Variants in DNAH8 observed in about 807,000 individuals in gnomAD.
DNAH8 encodes axonemal beta dynein heavy chain 8.
DNAH8 carries 382 observed loss-of-function variants against 562.1 expected under a neutral mutation model. The observed-to-expected ratio is 0.68, with a 90% CI of 0.63 to 0.74. The LOEUF (loss-of-function observed/expected upper bound fraction) is 0.74, where lower values mean the gene tolerates loss of function less well. Ranked by LOEUF, DNAH8 falls within the 30% of genes least tolerant of loss-of-function variation. The probability of loss-of-function intolerance (pLI) is 0.00; values close to 1 mark genes in which losing one functional copy is unlikely to be tolerated. For missense variants in DNAH8, 5,203 were observed against 5,620.4 expected, an observed-to-expected ratio of 0.93 and a Z score of 2.37; for synonymous variants, 1,881 against 1,919.4, an observed-to-expected ratio of 0.98 and a Z score of 0.52.
chr6:38,867,307 T>G (rs1363939196), intron 47 of DNAH8, among the ~76,000 whole-genome samples: 2 of 151,872 alleles, frequency 1.3e-5, no homozygotes, highest in Admixed American at 1.3e-4. Context: ...ACCACAAGGT[T>G]CCCTCATGCT....
chr6:38,779,567 A>G (rs1243133337), intron 14 of DNAH8, among the ~76,000 whole-genome samples: 1 of 152,192 alleles, frequency 6.6e-6, no homozygotes, highest in African/African-American at 2.4e-5. Flanking sequence ...ATTATATGGA[A>G]TTAACACTGG....
chr6:38,841,446 A>G (rs1426756941), intron 33 of DNAH8, among the ~76,000 whole-genome samples: 1 of 152,132 alleles, frequency 6.6e-6, no homozygotes, highest in Admixed American at 6.6e-5. Flanking sequence ...AAATAAAAAG[A>G]TAGAACGACT....
At chr6:39,024,348 A>G (rs1767133655) in intron 91 of DNAH8, among the ~76,000 whole-genome samples, 1 of 152,220 alleles carries the variant, frequency 6.6e-6, no homozygotes, top group African/African-American at 2.4e-5. Context: ...TTCCAAGTCC[A>G]CAAAACCCTA....
chr6:38,773,173 A>C (rs1417687692), intron 12 of DNAH8, among the ~76,000 whole-genome samples: 1 of 151,910 alleles, frequency 6.6e-6, no homozygotes. Flanking sequence ...AAGTCAAATT[A>C]ATAAATAGGT....
intron 11 of DNAH8, among the ~76,000 whole-genome samples, chr6:38,765,858 C>T (rs1766930770): frequency 6.6e-6 from 1 of 152,066 alleles, no homozygotes; most frequent in African/African-American, 2.4e-5. Context: ...TGTGCATGCT[C>T]TTGGTAGGAA....
intron 88 of DNAH8, among the ~76,000 whole-genome samples, chr6:38,995,148 AC>A (rs1339124415): frequency 6.7e-6 from 1 of 149,300 alleles, no homozygotes; most frequent in Non-Finnish European, 1.5e-5. Flanking sequence ...TTTGTTGAAT[AC>A]CTTTCAACAT....
At chr6:38,986,347 AG>A (rs1266950454) in intron 87 of DNAH8, among the ~76,000 whole-genome samples, 1 of 152,230 alleles carries the variant, frequency 6.6e-6, no homozygotes, top group Non-Finnish European at 1.5e-5. Context: ...TTTAAAAAAA[AG>A]TAAAGTGAGA....
chr6:38,841,847 A>G (rs1478830882), intron 33 of DNAH8, among the ~76,000 whole-genome samples: 2 of 152,098 alleles, frequency 1.3e-5, no homozygotes, highest in Admixed American at 6.5e-5. Context: ...CCTCCCAAGT[A>G]GCTGGGACTA....
At chr6:38,954,094 T>C (rs1300010801) in intron 82 of DNAH8, among the ~76,000 whole-genome samples, 4 of 152,186 alleles carry the variant, frequency 2.6e-5, no homozygotes, top group Non-Finnish European at 5.9e-5. Context: ...TGGTTATAGA[T>C]ATTGTCTTGT....
chr6:38,859,404 G>C (rs1564377), intron 42 of DNAH8, among the ~76,000 whole-genome samples: 4 of 151,880 alleles, frequency 2.6e-5, no homozygotes, highest in Admixed American at 1.3e-4. Flanking sequence ...AACAACAATA[G>C]CAAAAAGCAG....
Position 38,870,501 on chromosome 6 carries a change from C to G in DNAH8, c.6929C>G (p.Ala2310Gly), listed in dbSNP as rs1404026377. 1 of 1,614,022 alleles carries G rather than the reference C, an allele frequency of 6.2e-7. No individual in the cohort carries two copies. The highest frequency in any genetic ancestry group is 8.5e-7 in the Non-Finnish European group (1 of 1,179,940). The stretch of plus-strand genomic sequence containing the variant: ...TATGCAGAACTGCAAAACGCAGTAG[C>G]CCATCAGGTTCAGATAGAGGGTTTG... ...NTYAELQNAV[A>G]HQVQIEGLIN... The change falls in exon 49 of 93, where the codon GCC becomes GGC. Residue 2310 changes from alanine to glycine, a missense_variant. Ala to Gly is a moderately conservative substitution (Grantham distance 60). Transcript: ENST00000327475.
intron 79 of DNAH8, among the ~76,000 whole-genome samples, chr6:38,943,255 T>C (rs939552024): frequency 6.6e-6 from 1 of 152,246 alleles, no homozygotes; most frequent in Non-Finnish European, 1.5e-5. Context: ...AGTTTTTCTT[T>C]TTAAACAAAA....
intron 21 of DNAH8, among the ~76,000 whole-genome samples, chr6:38,798,832 G>A (rs1271916497): frequency 1.3e-5 from 2 of 152,172 alleles, no homozygotes; most frequent in Non-Finnish European, 2.9e-5. Flanking sequence ...TACCGCAGGA[G>A]TCCCAGTGGT....
Position 38,770,554 on chromosome 6 carries a change from G to C in DNAH8, c.1759G>C (p.Glu587Gln), listed in dbSNP as rs551431678. ...ATTTGAAGCTTTTTGCAAAAGACTGGAGAAGGTAAGCATTATGCAGTCATC... is the reference window on the plus strand; with the variant it reads ...ATTTGAAGCTTTTTGCAAAAGACTGCAGAAGGTAAGCATTATGCAGTCATC... ...GKFEAFCKRL[E>Q]KITEMITVVQ... Residue 587 changes from glutamate (E) to glutamine (Q), a missense_variant, in exon 12 of 93, where the codon GAG (glutamate) becomes CAG (glutamine). Physicochemically the swap from Glu to Gln is conservative, Grantham distance 29. Coordinates refer to ENST00000327475, the MANE Select transcript of DNAH8 (RefSeq NM_001206927.2). 6.7e-5 allele frequency: 107 copies of C among 1,597,792 alleles called. 1 individual carries two copies. The highest frequency in any genetic ancestry group is 8.7e-5 in the Non-Finnish European group (102 of 1,175,040).
At chr6:38,960,896 C>A (rs1248236790) in intron 82 of DNAH8, among the ~76,000 whole-genome samples, 1 of 151,856 alleles carries the variant, frequency 6.6e-6, no homozygotes, top group Non-Finnish European at 1.5e-5. Context: ...GTGTTTACTG[C>A]AGCACTATTC....
Position 38,826,405 on chromosome 6 carries a change from G to A in DNAH8, c.4083+14G>A, listed in dbSNP as rs1019215581. 2.0e-6 allele frequency: 3 copies of A among 1,518,592 alleles called. No individual in the cohort carries two copies. The highest frequency in any genetic ancestry group is 1.8e-6 in the Non-Finnish European group (2 of 1,119,682). The allele number at this position is 1,518,592 out of a possible 1,614,324, so 94.1% of individuals were successfully genotyped here. A position where few individuals can be genotyped will look rare whatever the true frequency, so the allele number is the denominator to read the frequency against. On this transcript the variant is annotated intron_variant, in intron 29 of 92. Transcript: ENST00000327475. The stretch of plus-strand genomic sequence containing the variant: ...GGACCAATTGAAGTAAGAAATGATT[G>A]CATTTTTTTTTCTTGGAATGCTTTT...
In DNAH8 at chr6:38,807,603, A is replaced by T; in HGVS notation, c.3151-7A>T. ...GATACCAAATTTAATCTGATTTCTTATTACAGGAGTGTAAAGAGGTCTTTG... is the reference window on the plus strand; with the variant it reads ...GATACCAAATTTAATCTGATTTCTTTTTACAGGAGTGTAAAGAGGTCTTTG... On this transcript the variant is annotated splice_region_variant and splice_polypyrimidine_tract_variant and intron_variant, in intron 23 of 92. Transcript: ENST00000327475. 7.0e-7 allele frequency: 1 copy of T among 1,434,060 alleles called. No homozygotes were observed. The allele number at this position is 1,434,060 out of a possible 1,614,324, so 88.8% of individuals were successfully genotyped here.
At chr6:38,797,827 C>T (rs186166797) in intron 21 of DNAH8, among the ~76,000 whole-genome samples, 10 of 152,310 alleles carry the variant, frequency 6.6e-5, no homozygotes, top group Non-Finnish European at 1.0e-4. Context: ...ACCCCTTCCA[C>T]GCTGTGGAAG....
chr6:38,875,826 A>G lies in DNAH8; in HGVS notation c.7856A>G (p.Tyr2619Cys). The change falls in exon 53 of 93, where the codon TAT (tyrosine) becomes TGT (cysteine). Residue 2619 changes from tyrosine to cysteine, a missense_variant and splice_region_variant. By Grantham distance (194) the Tyr-to-Cys change is radical. Around this residue, in one of 6 missense-constraint regions of DNAH8, gnomAD observed 977 missense variants for 1,061.8 expected, o/e 0.92. Transcript: ENST00000327475. ...QTMYEFYVTDYGDWEHWNKKL... is the reference protein window; with the variant it reads ...QTMYEFYVTDCGDWEHWNKKL... ...ATGTATGAGTTTTATGTTACTGATT[A>G]TGGTAAGCCCACTGAACTATACCTT... is the stretch of plus-strand genomic sequence containing the variant. 1 of 1,601,828 alleles carries G rather than the reference A, an allele frequency of 6.2e-7. No homozygotes were observed. The highest frequency in any genetic ancestry group is 8.6e-7 in the Non-Finnish European group (1 of 1,169,052).
Sources: gnomAD v4.1 joint callset for allele counts (sites outside exome capture counted in the v4.1 genomes callset) on GRCh38, gnomAD v4.1.1 for gene constraint, gnomAD v4.1.1 regional missense constraint, MANE v1.5 for transcripts, NCBI Gene and HGNC (gene_info 2026-07-23, HGNC 2026-07-21) for gene names.